Variants in HUWE1 observed in about 807,000 individuals in gnomAD.
HUWE1 encodes E3 ubiquitin-protein ligase HUWE1.
Under a neutral mutation model 299.4 loss-of-function variants are expected in HUWE1, and 18 were observed. The ratio of observed to expected loss-of-function variants is 0.06; its 90% CI spans 0.04 to 0.09. The LOEUF is 0.09. Ranked by LOEUF, HUWE1 falls within the 10% of genes least tolerant of loss-of-function variation. The probability of loss-of-function intolerance (pLI) is 1.00; values close to 1 mark genes in which losing one functional copy is unlikely to be tolerated. For synonymous variants in HUWE1, 1,317 were observed against 1,286.1 expected (o/e 1.02, Z -0.51); for missense variants, 1,832 against 3,462.3 (o/e 0.53, Z 11.82).
At chrX:53,583,521 T>C (rs782698238) in intron 42 of HUWE1, 37 bp downstream of exon 42, 3 of 996,000 alleles carry the variant, frequency 3.0e-6, no homozygotes, top group East Asian at 3.1e-5. Context: ...AGGTATGATG[T>C]AAAGCTAAAC....
At chrX:53,674,874 T>G (rs1220615247) in intron 3 of HUWE1, among the ~76,000 whole-genome samples, 1 of 112,078 alleles carries the variant, frequency 8.9e-6, no homozygotes, top group African/African-American at 3.2e-5. Flanking sequence ...ATGAGGAAAC[T>G]GGCTCAGTGA....
At chrX:53,539,430 C>A (rs782660058) in intron 75 of HUWE1, among the ~76,000 whole-genome samples, 2 of 110,212 alleles carry the variant, frequency 1.8e-5, no homozygotes, top group East Asian at 5.7e-4. Flanking sequence ...GGATAGCTAA[C>A]CAGTTATAAA....
At chrX:53,672,101 T>TA (rs2069577064) in intron 3 of HUWE1, among the ~76,000 whole-genome samples, 1 of 110,517 alleles carries the variant, frequency 9.0e-6, no homozygotes. Context: ...AGAGCAAAGT[T>TA]AAAAATACCA....
In HUWE1 at chrX:53,671,763, C is replaced by T. The variant is rs782207651; in HGVS notation, c.-25+8286G>A. Among the ~76,000 whole-genome samples, 32 of 92,048 alleles carry T rather than the reference C, an allele frequency of 3.5e-4. No individual in the cohort carries two copies. In the South Asian group the frequency reaches 0.019, roughly 54 times the overall value. 79.9% of individuals were successfully genotyped at this position (92,048 alleles called of 115,157 possible). On this transcript the variant is annotated intron_variant, in intron 3 of 83. Transcript: ENST00000262854. Reference sequence around the variant, plus strand: ...GAGCCGAGATCGCGCCACTGCACTCCGACCTGGGCGACAGCGAGACTCCGT... The same window carrying T: ...GAGCCGAGATCGCGCCACTGCACTCTGACCTGGGCGACAGCGAGACTCCGT...
Position 53,550,684 on chromosome X carries a change from C to T in HUWE1, c.9470G>A (p.Gly3157Asp). 2 of 1,209,898 alleles carry T rather than the reference C, an allele frequency of 1.7e-6. No individual in the cohort carries two copies. The highest frequency in any genetic ancestry group is 2.2e-6 in the Non-Finnish European group (2 of 893,980). ...AAGGTACCTGTTATGGCTGCTGCTACCCCCCATCTGGAAGGTGCCACCTCT... is the reference window on the plus strand; with the variant it reads ...AAGGTACCTGTTATGGCTGCTGCTATCCCCCATCTGGAAGGTGCCACCTCT... ...VQRGGTFQMG[G>D]SSSHNRPSGS... Residue 3157 changes from glycine to aspartate, a missense_variant, in exon 66 of 84, where the codon GGT becomes GAT. Transcript: ENST00000262854.
intron 42 of HUWE1, among the ~76,000 whole-genome samples, chrX:53,582,647 T>TA (rs1391226148): frequency 1.8e-5 from 2 of 112,564 alleles, no homozygotes; most frequent in East Asian, 2.7e-4. Flanking sequence ...CAAAGTCTAT[T>TA]AACAGTCATT....
intron 53 of HUWE1, among the ~76,000 whole-genome samples, 177 bp downstream of exon 53, chrX:53,562,654 G>A (rs1270348325): frequency 8.9e-6 from 1 of 112,320 alleles, no homozygotes; most frequent in Non-Finnish European, 1.9e-5. Flanking sequence ...GCAAGCAGTA[G>A]TAACATGTTA....
intron 4 of HUWE1, among the ~76,000 whole-genome samples, chrX:53,650,638 G>C (rs2068396657): frequency 8.9e-6 from 1 of 112,274 alleles, no homozygotes; most frequent in African/African-American, 3.2e-5. Context: ...AGGGTTTACA[G>C]TGATTTATTT....
At position 53,604,597 on chromosome X, in the gene HUWE1, C is replaced by T. The variant is rs782367739; in HGVS notation, c.2734G>A (p.Val912Ile). The change falls in exon 26 of 84, where the codon GTT becomes ATT. Residue 912 changes from valine to isoleucine, a missense_variant. Physicochemically the swap from Val to Ile is conservative, Grantham distance 29 (BLOSUM62 3). Transcript: ENST00000262854. ...CCTAAGGTTATTTTTACCTGTCCAA[C>T]TCTGCAAGTATGAACAAACATCATG... ...YIMMFVHTCR[V>I]GQSEIRSISV... 8.3e-7 allele frequency: 1 copy of T among 1,211,550 alleles called. No homozygotes were observed. The highest frequency in any genetic ancestry group is 2.2e-5 in the Admixed American group (1 of 46,108).
chrX:53,594,816 G>A lies in HUWE1; in HGVS notation c.3381-195C>T, dbSNP rs781896374. 2.7e-5 allele frequency among the ~76,000 whole-genome samples: 3 copies of A among 111,739 alleles called. No individual in the cohort carries two copies. In the Admixed American group the frequency reaches 2.8e-4, roughly 11 times the overall value. On this transcript the variant is annotated intron_variant, in intron 30 of 83. Coordinates refer to ENST00000262854, the MANE Select transcript of HUWE1 (RefSeq NM_031407.7). ...ATCTGAAACTTCTGATTGCTGACGT[G>A]ACGCTCAAAGTACATGTTCATGGGA...
chrX:53,682,283 G>A (rs1456675093), intron 2 of HUWE1, among the ~76,000 whole-genome samples: 2 of 111,706 alleles, frequency 1.8e-5, no homozygotes, highest in East Asian at 2.8e-4. Flanking sequence ...GATGAACTGA[G>A]AATCTGAAAA....
intron 54 of HUWE1, 55 bp from the exon 55 acceptor site, chrX:53,561,979 T>C (rs1022333326): frequency 2.5e-6 from 3 of 1,209,205 alleles, no homozygotes; most frequent in Non-Finnish European, 2.2e-6. Flanking sequence ...TTCTGAAGCC[T>C]GGTGCCATGG....
intron 61 of HUWE1, among the ~76,000 whole-genome samples, chrX:53,553,517 A>C (rs1556931326): frequency 1.9e-5 from 2 of 107,051 alleles, no homozygotes; most frequent in African/African-American, 6.8e-5. Context: ...TCTCTAAATA[A>C]ACAAGGTTTC....
Position 53,627,436 on chromosome X carries a change from C to A in HUWE1, c.1463G>T (p.Gly488Val). 1 of 1,186,722 alleles carries A rather than the reference C, an allele frequency of 8.4e-7. No homozygotes were observed. Among genetic ancestry groups the A allele is most frequent in the Middle Eastern group, 2.3e-4 (1 of 4,291 alleles). ...ATCCATATCAGTTTCCATTTCCTCT[C>A]CTTCTTGTGTAGTATTGGGTCTCTG... is the stretch of plus-strand genomic sequence containing the variant. The part of the protein sequence containing the change: ...KIQRPNTTQE[G>V]EEMETDMDGV... Residue 488 changes from glycine to valine, a missense_variant, in exon 17 of 84, where the codon GGA (glycine) becomes GTA (valine). Gly to Val is a moderately radical substitution (Grantham distance 109). Coordinates refer to ENST00000262854, the MANE Select transcript of HUWE1 (RefSeq NM_031407.7).
rs1451974407 is a variant in HUWE1, at chrX:53,595,275, C to T, written c.3292G>A (p.Ala1098Thr). ...GTGAGAGCTGAGGCTGTTGATCGCG[C>T]GGCAGGTGTCGGTGCTGTAGTGGTG... ...ASTTTAPTPAARSTASALTKL... is the reference protein window; with the variant it reads ...ASTTTAPTPATRSTASALTKL... Residue 1098 changes from alanine (A) to threonine (T), a missense_variant, in exon 30 of 84, where the codon GCG becomes ACG. Ala to Thr is a moderately conservative substitution (Grantham distance 58, BLOSUM62 0). Around this residue, in one of 15 missense-constraint regions of HUWE1, gnomAD observed 658 missense variants for 1,282.6 expected, o/e 0.51. Transcript: ENST00000262854. 1 of 1,208,879 alleles carries T rather than the reference C, an allele frequency of 8.3e-7. No individual in the cohort carries two copies. Among genetic ancestry groups the T allele is most frequent in the Non-Finnish European group, 1.1e-6 (1 of 894,887 alleles).
At chrX:53,673,586 A>G (rs944618080) in intron 3 of HUWE1, among the ~76,000 whole-genome samples, 2 of 111,806 alleles carry the variant, frequency 1.8e-5, no homozygotes, top group Non-Finnish European at 3.8e-5. Flanking sequence ...GTTGTACCCT[A>G]TACAATATTT....
chrX:53,683,897 A>G, intron 2 of HUWE1: 1 of 124,813 alleles, frequency 8.0e-6, no homozygotes. Flanking sequence ...AACGAATCCC[A>G]CGAGGACGTA....
chrX:53,628,250 A>T (rs1251666320), intron 15 of HUWE1, among the ~76,000 whole-genome samples: 1 of 111,065 alleles, frequency 9.0e-6, no homozygotes, highest in Non-Finnish European at 1.9e-5. Context: ...TTTAACCAGA[A>T]CCCATGACCT....
rs1556947995 is a variant in HUWE1, at chrX:53,568,794, G to T, written c.6605C>A (p.Ala2202Glu). Reference protein sequence around the residue: ...STSSFYSSATAKTQHNGMNNI... With the variant: ...STSSFYSSATEKTQHNGMNNI... Reference sequence around the variant, plus strand: ...GTTCATGCCATTGTGCTGGGTCTTCGCTGTGGCACTGCTGTAGAAGCTGGA... The same window carrying T: ...GTTCATGCCATTGTGCTGGGTCTTCTCTGTGGCACTGCTGTAGAAGCTGGA... The change falls in exon 49 of 84, where the codon GCG (alanine) becomes GAG (glutamate). Residue 2202 changes from alanine (A) to glutamate (E), a missense_variant. Ala to Glu is a moderately radical substitution (Grantham distance 107). This residue lies in a region of HUWE1 where 157 missense variants were observed against 252.3 expected (regional missense o/e 0.62). Coordinates refer to ENST00000262854, the MANE Select transcript of HUWE1 (RefSeq NM_031407.7). The T allele has an allele frequency of 8.3e-7, 1 of 1,208,999 alleles. No homozygotes were observed. Among genetic ancestry groups the T allele is most frequent in the Non-Finnish European group, 1.1e-6 (1 of 893,579 alleles).
Sources: allele counts gnomAD v4.1 joint callset (sites outside exome capture counted in the v4.1 genomes callset), GRCh38; gene constraint gnomAD v4.1.1; regional missense constraint gnomAD v4.1.1; transcripts MANE v1.5; gene names NCBI Gene and HGNC (gene_info 2026-07-23, HGNC 2026-07-21).